RNASEL: variants seen among roughly 807,000 people sequenced by gnomAD.
RNASEL encodes the protein ribonuclease L, also known as 2-5A-dependent ribonuclease.
RNASEL carries 36 observed loss-of-function variants against 50.9 expected under a neutral mutation model. That is an observed-to-expected ratio of 0.71 (90% CI 0.54 to 0.93). RNASEL has a LOEUF of 0.93. Among genes scored for constraint, RNASEL ranks in the 40% least tolerant of loss-of-function variants. The probability of loss-of-function intolerance (pLI) is 0.00; values close to 1 mark genes in which losing one functional copy is unlikely to be tolerated. For missense variants in RNASEL, 860 were observed against 894.5 expected (o/e 0.96, Z 0.49); for synonymous variants, 335 against 335.6 (o/e 1.00, Z 0.02).
At position 182,586,165 on chromosome 1, in the gene RNASEL, G is replaced by A. The variant is rs148741721; in HGVS notation, c.642C>T (p.Asp214=). The A allele has an allele frequency of 1.4e-5, 22 of 1,613,992 alleles. No homozygotes were observed. Among genetic ancestry groups the A allele is most frequent in the Admixed American group, 5.0e-5 (3 of 60,006 alleles). ...NALIHALLSS[D]DSDVEAITHL... ...GCGTAATAGCCTCCACATCACTATC[G>A]TCAGAGCTCAGGAGAGCATGGATCA... is the stretch of plus-strand genomic sequence containing the variant. The change falls in exon 2 of 7, where the codon GAC becomes GAT. Residue 214 remains aspartate, a synonymous_variant. Transcript: ENST00000367559.
In RNASEL at chr1:182,574,946, A is replaced by G. The variant is rs1661352299; in HGVS notation, c.*446T>C. On this transcript the variant is annotated 3_prime_UTR_variant, in exon 7 of 7. Coordinates refer to ENST00000367559, the MANE Select transcript of RNASEL (RefSeq NM_021133.4). ...TTAAGGTGCCCAAATGAGAGGTACC[A>G]ATAACACCACATAAATTTATAAAGT... The G allele has an allele frequency of 7.3e-6, 2 of 272,192 alleles. No homozygotes were observed. The highest frequency in any genetic ancestry group is 1.4e-5 in the Non-Finnish European group (2 of 142,054). The allele number at this position is 272,192 out of a possible 1,614,324, so 16.9% of individuals were successfully genotyped here.
At chr1:182,576,104 AG>A (rs1661372925) in intron 6 of RNASEL, 151 bp downstream of exon 6, 3 of 702,768 alleles carry the variant, frequency 4.3e-6, no homozygotes, top group East Asian at 5.5e-5. Flanking sequence ...GTAAGGCAAC[AG>A]TGATAGCCCT....
chr1:182,582,169 T>C lies in RNASEL; in HGVS notation c.1656A>G (p.Gln552=), dbSNP rs774787263. The change falls in exon 4 of 7, where the codon CAA becomes CAG. Residue 552 remains glutamine, a synonymous_variant. Coordinates refer to ENST00000367559, the MANE Select transcript of RNASEL (RefSeq NM_021133.4). The part of the protein sequence containing the change: ...LKAQSNEEVV[Q]LSPDEETKDL... ...CCTTAGTTTCCTCATCTGGAGAAAG[T>C]TGAACCACCTCTTCATTACTTTGAG... 17 of 1,614,110 alleles carry C rather than the reference T, an allele frequency of 1.1e-5. No individual in the cohort carries two copies. The highest frequency in any genetic ancestry group is 1.6e-4 in the Middle Eastern group (1 of 6,082).
chr1:182,587,478 G>C (rs1463615898), intron 1 of RNASEL, among the ~76,000 whole-genome samples: 1 of 151,922 alleles, frequency 6.6e-6, no homozygotes, highest in African/African-American at 2.4e-5. Context: ...TAGATCTTAT[G>C]ATAGATTTCA....
intron 2 of RNASEL, 38 bp from the exon 3 acceptor site, chr1:182,584,204 A>G (rs1030634345): frequency 7.6e-7 from 1 of 1,309,622 alleles, no homozygotes; most frequent in Non-Finnish European, 1.1e-6. Context: ...GAAAATACTC[A>G]TTCTCCATAA....
At chr1:182,579,873 A>C (rs1661457285) in intron 5 of RNASEL, 1 of 536,594 alleles carries the variant, frequency 1.9e-6, no homozygotes, top group Non-Finnish European at 3.3e-6. Flanking sequence ...ACTTGATGCC[A>C]TCACAGCTTC....
intron 5 of RNASEL, chr1:182,578,463 C>G (rs1035734165): frequency 6.6e-6 from 1 of 152,126 alleles, no homozygotes; most frequent in Admixed American, 6.6e-5. Flanking sequence ...ATTAAAAAGT[C>G]AAAAAGTAAC....
chr1:182,586,630 G>T lies in RNASEL; in HGVS notation c.177C>A (p.Gly59=). 1 of 1,613,352 alleles carries T rather than the reference G, an allele frequency of 6.2e-7. No homozygotes were observed. Among genetic ancestry groups the T allele is most frequent in the Non-Finnish European group, 8.5e-7 (1 of 1,179,340 alleles). ...GTACTGCGTTATGCAGAGGTGTCCA[G>T]CCCCCTTCCTCTTCCTGGAAATTAA... ...ANVNFQEEEG[G]WTPLHNAVQM... Residue 59 remains glycine (G), a synonymous_variant, in exon 2 of 7, where the codon GGC becomes GGA. Coordinates refer to ENST00000367559, the MANE Select transcript of RNASEL (RefSeq NM_021133.4).
Position 182,574,266 on chromosome 1 carries a change from C to A in RNASEL, c.*1126G>T, listed in dbSNP as rs960979582. ...AAGTCAAGAAAAGACAGCCATCGCC[C>A]GTGAGGAGCCTACATTCCAGTGGAG... On this transcript the variant is annotated 3_prime_UTR_variant, in exon 7 of 7. Transcript: ENST00000367559. The A allele has an allele frequency of 4.4e-6, 1 of 225,232 alleles. No homozygotes were observed. Among genetic ancestry groups the A allele is most frequent in the African/African-American group, 2.2e-5 (1 of 44,876 alleles). The allele number at this position is 225,232 out of a possible 1,614,324, so 14.0% of individuals were successfully genotyped here.
rs627928 is a variant in RNASEL at position 182,582,202 on chromosome 1, A to C, written c.1623T>G (p.Asp541Glu). 0.55 allele frequency: 879,709 copies of C among 1,613,892 alleles called. 243,429 individuals carry two copies. Among genetic ancestry groups the C allele is most frequent in the East Asian group, 0.71 (32,062 of 44,866 alleles). The change falls in exon 4 of 7, where the codon GAT (aspartate) becomes GAG (glutamate). Residue 541 changes from aspartate (D) to glutamate (E), a missense_variant. Physicochemically the swap from Asp to Glu is conservative, Grantham distance 45 (BLOSUM62 2). Coordinates refer to ENST00000367559, the MANE Select transcript of RNASEL (RefSeq NM_021133.4). ...CCTCTTCATTACTTTGAGCTTTCAGATCCTCAAATGAGATGCTTCCCTTCT... is the reference window on the plus strand; with the variant it reads ...CCTCTTCATTACTTTGAGCTTTCAGCTCCTCAAATGAGATGCTTCCCTTCT... ...VVKKGSISFE[D>E]LKAQSNEEVV... is the part of the protein sequence containing the mutation.
Position 182,585,508 on chromosome 1 carries a change from A to G in RNASEL, c.1299T>C (p.Cys433=). The change falls in exon 2 of 7, where the codon TGT becomes TGC. Residue 433 remains cysteine (C), a synonymous_variant. Transcript: ENST00000367559. ...SESHRGHLFV[C]VTLCEQTLEA... ...CCAGAGTCTGCTCACAGAGGGTGACACACACAAACAAGTGGCCCCTGTGGC... is the reference window on the plus strand; with the variant it reads ...CCAGAGTCTGCTCACAGAGGGTGACGCACACAAACAAGTGGCCCCTGTGGC... 1 of 1,614,178 alleles carries G rather than the reference A, an allele frequency of 6.2e-7. No individual in the cohort carries two copies. Among genetic ancestry groups the G allele is most frequent in the East Asian group, 2.2e-5 (1 of 44,874 alleles).
At chr1:182,587,630 A>G (rs1319299410) in intron 1 of RNASEL, among the ~76,000 whole-genome samples, 1 of 151,708 alleles carries the variant, frequency 6.6e-6, no homozygotes, top group Non-Finnish European at 1.5e-5. Flanking sequence ...AAAAAAAAAA[A>G]AGACCATGAA....
chr1:182,582,025 T>G (rs746025770), intron 4 of RNASEL, 28 bp downstream of exon 4: 32 of 1,600,812 alleles, frequency 2.0e-5, no homozygotes, highest in Non-Finnish European at 2.7e-5. Context: ...CCTGGAGGCC[T>G]GTGGCATCTG....
rs750927289 is a variant in RNASEL at position 182,586,551 on chromosome 1, C to T, written c.256G>A (p.Val86Ile). Residue 86 changes from valine (V) to isoleucine (I), a missense_variant, in exon 2 of 7, where the codon GTT becomes ATT. Transcript: ENST00000367559. Reference sequence around the variant, plus strand: ...GTGGCCCCATTCTTCTTCCTCAGAACAGGGTCAGCACCATGACGAAGCAGA... The same window carrying T: ...GTGGCCCCATTCTTCTTCCTCAGAATAGGGTCAGCACCATGACGAAGCAGA... The part of the protein sequence containing the change: ...ELLLRHGADP[V>I]LRKKNGATPF... 1.9e-6 allele frequency: 3 copies of T among 1,607,672 alleles called. No individual in the cohort carries two copies. The highest frequency in any genetic ancestry group is 1.7e-6 in the Non-Finnish European group (2 of 1,175,630).
chr1:182,589,198 T>G lies in RNASEL; in HGVS notation c.-196A>C, dbSNP rs535499614. The G allele has an allele frequency of 3.3e-5, 5 of 152,358 alleles. No individual in the cohort carries two copies. The highest frequency in any genetic ancestry group is 1.2e-4 in the African/African-American group (5 of 41,578). The allele number at this position is 152,358 out of a possible 1,614,324, so 9.4% of individuals were successfully genotyped here. A position where few individuals can be genotyped will look rare whatever the true frequency, so the allele number is the denominator to read the frequency against. ...AACTCAGACGTCTCAATTATTCCTTTGGCAGCCGCAAAGCCTGGAAGACTG... is the reference window on the plus strand; with the variant it reads ...AACTCAGACGTCTCAATTATTCCTTGGGCAGCCGCAAAGCCTGGAAGACTG... On this transcript the variant is annotated 5_prime_UTR_variant, in exon 1 of 7. Transcript: ENST00000367559.
chr1:182,579,392 A>G, intron 5 of RNASEL: 2 of 992,672 alleles, frequency 2.0e-6, no homozygotes, highest in Non-Finnish European at 2.4e-6. Flanking sequence ...TCAAGATGCA[A>G]CAGTCAAGAA....
chr1:182,586,024 T>C lies in RNASEL; in HGVS notation c.783A>G (p.Gln261=). 1 of 1,614,064 alleles carries C rather than the reference T, an allele frequency of 6.2e-7. No homozygotes were observed. Among genetic ancestry groups the C allele is most frequent in the Non-Finnish European group, 8.5e-7 (1 of 1,180,026 alleles). The change falls in exon 2 of 7, where the codon CAA becomes CAG. Residue 261 remains glutamine, a synonymous_variant. Transcript: ENST00000367559. ...HLGLVQRLLE[Q]EHIEINDTDS... is the part of the protein sequence containing the mutation. Reference sequence around the variant, plus strand: ...CTGTGTCATTAATCTCTATGTGCTCTTGCTCCAGAAGCCTCTGCACCAAAC... The same window carrying C: ...CTGTGTCATTAATCTCTATGTGCTCCTGCTCCAGAAGCCTCTGCACCAAAC...
At chr1:182,580,170 T>C (rs542151274) in intron 5 of RNASEL, among the ~76,000 whole-genome samples, 71 of 152,250 alleles carry the variant, frequency 4.7e-4, no homozygotes, top group Admixed American at 2.0e-3. Context: ...TTCTACAAGT[T>C]AAAATTTTAG....
chr1:182,575,293 T>C lies in RNASEL; in HGVS notation c.*99A>G. On this transcript the variant is annotated 3_prime_UTR_variant, in exon 7 of 7. Coordinates refer to ENST00000367559, the MANE Select transcript of RNASEL (RefSeq NM_021133.4). ...ACATATCAGCTATGCAACTCATCCCTCACAAGCAACCTGGTGAGTTAAAAG... is the reference window on the plus strand; with the variant it reads ...ACATATCAGCTATGCAACTCATCCCCCACAAGCAACCTGGTGAGTTAAAAG... 2 of 1,247,608 alleles carry C rather than the reference T, an allele frequency of 1.6e-6. No homozygotes were observed. Among genetic ancestry groups the C allele is most frequent in the Non-Finnish European group, 2.4e-6 (2 of 848,722 alleles). The allele number at this position is 1,247,608 out of a possible 1,614,324, so 77.3% of individuals were successfully genotyped here. A position where few individuals can be genotyped will look rare whatever the true frequency, so the allele number is the denominator to read the frequency against.
Sources: allele counts gnomAD v4.1 joint callset (sites outside exome capture counted in the v4.1 genomes callset), GRCh38; gene constraint gnomAD v4.1.1; transcripts MANE v1.5; gene names NCBI Gene and HGNC (gene_info 2026-07-23, HGNC 2026-07-21).